Variants in DYNC2H1 observed in about 807,000 individuals in gnomAD.
DYNC2H1 encodes dynein cytoplasmic 2 heavy chain 1.
DYNC2H1 carries 410 observed loss-of-function variants against 570.0 expected under a neutral mutation model. That is an observed-to-expected ratio of 0.72 (90% CI 0.66 to 0.78). The LOEUF (loss-of-function observed/expected upper bound fraction) is 0.78, where lower values mean the gene tolerates loss of function less well. DYNC2H1 is among the 30% of genes least tolerant of loss of function. DYNC2H1 has a pLI of 0.00. For synonymous variants in DYNC2H1, 1,688 were observed against 1,677.6 expected (o/e 1.01, Z -0.15); for missense variants, 4,865 against 5,046.4 (o/e 0.96, Z 1.09).
In DYNC2H1 at chr11:103,174,170, G is replaced by A; in HGVS notation, c.5674G>A (p.Ala1892Thr). ...QLNKSGTTQN[A>T]NESHIVVQAL... ...AAACAAAAGTGGCACTACACAGAAT[G>A]GTATGATTGATTATTCCAAATACAT... Residue 1892 changes from alanine (A) to threonine (T), a missense_variant and splice_region_variant, in exon 36 of 89, where the codon GCT becomes ACT. Ala to Thr is a moderately conservative substitution (Grantham distance 58). This residue lies in a region of DYNC2H1 where 292 missense variants were observed against 300.2 expected (regional missense o/e 0.97). Transcript: ENST00000375735. 6.4e-7 allele frequency: 1 copy of A among 1,553,396 alleles called. No homozygotes were observed.
intron 46 of DYNC2H1, 120 bp from the exon 47 acceptor site, chr11:103,191,977 C>T: frequency 6.8e-6 from 5 of 738,186 alleles, no homozygotes; most frequent in Non-Finnish European, 9.8e-6. Context: ...TTCCTTTCTT[C>T]CATTTATCTG....
intron 84 of DYNC2H1, among the ~76,000 whole-genome samples, chr11:103,431,055 A>G (rs936598897): frequency 2.6e-5 from 4 of 152,120 alleles, no homozygotes; most frequent in African/African-American, 9.7e-5. Context: ...TACTTGCTGC[A>G]TAATCACTTA....
chr11:103,365,603 GCTGTTT>G lies in DYNC2H1; in HGVS notation c.12156+7247_12156+7252del, dbSNP rs560684372. ...AGTTTAACTCATTGTTTAGATCTGG[GCTGTTT>G]CTAACCTTCAAACTTGTTGAATAGC... On this transcript the variant is annotated intron_variant, in intron 83 of 88. Coordinates refer to ENST00000375735, the MANE Select transcript of DYNC2H1 (RefSeq NM_001377.3). Among the ~76,000 whole-genome samples the G allele has an allele frequency of 3.6e-4, 55 of 152,288 alleles. No individual in the cohort carries two copies. The East Asian group carries it at 4.6e-3, about 13-fold the overall frequency.
At chr11:103,432,139 C>T (rs964367861) in intron 84 of DYNC2H1, among the ~76,000 whole-genome samples, 4 of 152,032 alleles carry the variant, frequency 2.6e-5, no homozygotes, top group Admixed American at 6.6e-5. Flanking sequence ...AGCTCATCAT[C>T]GCTGGTTGTC....
intron 61 of DYNC2H1, among the ~76,000 whole-genome samples, chr11:103,234,371 T>G (rs545101872): frequency 2.0e-5 from 3 of 152,122 alleles, no homozygotes; most frequent in Non-Finnish European, 4.4e-5. Flanking sequence ...CCTATTTTCC[T>G]TTCAGTTCCG....
chr11:103,188,315 A>G (rs1367981823), intron 43 of DYNC2H1, among the ~76,000 whole-genome samples, 182 bp from the exon 44 acceptor site: 4 of 152,046 alleles, frequency 2.6e-5, no homozygotes, highest in Non-Finnish European at 5.9e-5. Context: ...TAGAACACAG[A>G]GATTTGAACA....
At chr11:103,418,692 A>AGAG (rs775314125) in intron 84 of DYNC2H1, among the ~76,000 whole-genome samples, 3 of 152,196 alleles carry the variant, frequency 2.0e-5, no homozygotes, top group Non-Finnish European at 4.4e-5. Context: ...GAGAACAAAG[A>AGAG]AAAGCAGTGT....
At chr11:103,477,959 T>A (rs1945614970) in intron 88 of DYNC2H1, among the ~76,000 whole-genome samples, 1 of 148,850 alleles carries the variant, frequency 6.7e-6, no homozygotes, top group African/African-American at 2.5e-5. Flanking sequence ...GCAGGAAATA[T>A]AAAAGATGAA....
At chr11:103,379,012 C>T (rs1941523858) in intron 83 of DYNC2H1, among the ~76,000 whole-genome samples, 1 of 152,128 alleles carries the variant, frequency 6.6e-6, no homozygotes, top group Non-Finnish European at 1.5e-5. Context: ...CCACCTATTC[C>T]TGGTAACTCA....
chr11:103,146,869 G>A (rs922744291), intron 18 of DYNC2H1, among the ~76,000 whole-genome samples: 3 of 152,070 alleles, frequency 2.0e-5, no homozygotes, highest in Non-Finnish European at 4.4e-5. Flanking sequence ...CTCCCAAAGT[G>A]CTAGGATTAC....
chr11:103,303,306 T>G lies in DYNC2H1; in HGVS notation c.11256+53T>G, dbSNP rs12362743. 0.069 allele frequency: 107,236 copies of G among 1,556,716 alleles called. 4,065 individuals are homozygous for G. The highest frequency in any genetic ancestry group is 0.078 in the Non-Finnish European group (89,384 of 1,146,528). ...GTTTTTGCTATTGCTGTTCCCACACTTGATGATATTGGTCAAATGGACATT... is the reference window on the plus strand; with the variant it reads ...GTTTTTGCTATTGCTGTTCCCACACGTGATGATATTGGTCAAATGGACATT... On this transcript the variant is annotated intron_variant, in intron 76 of 88. Coordinates refer to ENST00000375735, the MANE Select transcript of DYNC2H1 (RefSeq NM_001377.3).
At position 103,189,767 on chromosome 11, in the gene DYNC2H1, C is replaced by T; in HGVS notation, c.7388C>T (p.Ser2463Leu). 6.2e-7 allele frequency: 1 copy of T among 1,611,618 alleles called. No homozygotes were observed. The highest frequency in any genetic ancestry group is 8.5e-7 in the Non-Finnish European group (1 of 1,179,102). Residue 2463 changes from serine to leucine, a missense_variant, in exon 45 of 89, where the codon TCA becomes TTA. Ser to Leu is a moderately radical substitution (Grantham distance 145). This residue lies in a region of DYNC2H1 where 2,401 missense variants were observed against 2,454.6 expected (regional missense o/e 0.98). Coordinates refer to ENST00000375735, the MANE Select transcript of DYNC2H1 (RefSeq NM_001377.3). The surrounding 1 kb of genome is among the most constrained non-coding windows in gnomAD (Gnocchi z 4.3). ...NLKNHSIWGS[S>L]SKIYLLAGSM... The stretch of plus-strand genomic sequence containing the variant: ...AAGAATCATTCTATTTGGGGTTCTT[C>T]ATCAAAAATTTATCTTTTAGCAGGA...
intron 84 of DYNC2H1, among the ~76,000 whole-genome samples, chr11:103,413,856 A>G (rs1943181207): frequency 6.6e-6 from 1 of 152,334 alleles, no homozygotes; most frequent in East Asian, 1.9e-4. Flanking sequence ...CTAACTTAAT[A>G]TCATCATCCC....
At chr11:103,274,580 T>G (rs1346015624) in intron 70 of DYNC2H1, among the ~76,000 whole-genome samples, 1 of 152,178 alleles carries the variant, frequency 6.6e-6, no homozygotes, top group African/African-American at 2.4e-5. Context: ...CTTCTCCAGC[T>G]CATCATTATT....
At position 103,135,732 on chromosome 11, in the gene DYNC2H1, A is replaced by G; in HGVS notation, c.2358A>G (p.Leu786=). The change falls in exon 17 of 89, where the codon TTA becomes TTG. Residue 786 remains leucine, a synonymous_variant. Coordinates refer to ENST00000375735, the MANE Select transcript of DYNC2H1 (RefSeq NM_001377.3). ...TATTTACTTTTAGACAGGGACGATT[A>G]CAATTCAGGCCCCCTTTTGAAGAAA... ...NIDLTYKQGR[L]QFRPPFEEIR... The G allele has an allele frequency of 6.2e-7, 1 of 1,609,878 alleles. No individual in the cohort carries two copies. Among genetic ancestry groups the G allele is most frequent in the Non-Finnish European group, 8.5e-7 (1 of 1,177,754 alleles).
intron 1 of DYNC2H1, among the ~76,000 whole-genome samples, chr11:103,110,899 C>T (rs950458170): frequency 1.3e-5 from 2 of 151,822 alleles, no homozygotes; most frequent in Non-Finnish European, 2.9e-5. Context: ...AATCTTGGCT[C>T]ACTGCAACCT....
intron 84 of DYNC2H1, among the ~76,000 whole-genome samples, chr11:103,426,412 A>G (rs1227969965): frequency 1.3e-5 from 2 of 152,202 alleles, no homozygotes; most frequent in Non-Finnish European, 2.9e-5. Flanking sequence ...AGCAGTGTGT[A>G]TTAACATACT....
chr11:103,153,537 C>T (rs1237625351), intron 22 of DYNC2H1, 29 bp downstream of exon 22: 1 of 1,511,848 alleles, frequency 6.6e-7, no homozygotes, highest in African/African-American at 1.4e-5. Context: ...ATTGATAGTG[C>T]TTATTTTGAA....
chr11:103,255,340 G>T, intron 66 of DYNC2H1, 75 bp from the exon 67 acceptor site: 1 of 1,461,692 alleles, frequency 6.8e-7, no homozygotes, highest in African/African-American at 1.4e-5. Flanking sequence ...TCAAACACAA[G>T]GCCTGTTTGC....
Sources: allele counts gnomAD v4.1 joint callset (sites outside exome capture counted in the v4.1 genomes callset), GRCh38; gene constraint gnomAD v4.1.1; regional missense constraint gnomAD v4.1.1; non-coding constraint Gnocchi (gnomAD v3.1); transcripts MANE v1.5; gene names NCBI Gene and HGNC (gene_info 2026-07-23, HGNC 2026-07-21).